Variants in PLXNA4 observed in about 807,000 individuals in gnomAD.
PLXNA4 encodes plexin A4, also known as plexin-A4.
PLXNA4 carries 44 observed loss-of-function variants against 191.8 expected under a neutral mutation model. The observed-to-expected ratio is 0.23, with a 90% CI of 0.18 to 0.29. PLXNA4 has a LOEUF of 0.29. Ranked by LOEUF, PLXNA4 falls within the 10% of genes least tolerant of loss-of-function variation. The pLI is 1.00. For synonymous variants in PLXNA4, 1,082 were observed against 1,009.5 expected (o/e 1.07, Z -1.36); for missense variants, 1,800 against 2,488.8 (o/e 0.72, Z 5.89).
intron 2 of PLXNA4, among the ~76,000 whole-genome samples, chr7:132,494,229 G>T (rs537120627): frequency 6.6e-6 from 1 of 152,190 alleles, no homozygotes; most frequent in South Asian, 2.1e-4. Flanking sequence ...TCCAGAATCC[G>T]ATAGACATTT....
At position 132,165,143 on chromosome 7, in the gene PLXNA4, C is replaced by A; in HGVS notation, c.4344G>T (p.Lys1448Asn). Residue 1448 changes from lysine to asparagine, a missense_variant, in exon 23 of 32, where the codon AAG becomes AAT. Lys to Asn is a moderately conservative substitution (Grantham distance 94, BLOSUM62 0). This residue lies in a region of PLXNA4 where 214 missense variants were observed against 298.2 expected (regional missense o/e 0.72). Transcript: ENST00000321063. The stretch of plus-strand genomic sequence containing the variant: ...CCACATCCAACCCTACCTTGAGGAA[C>A]TTGTAGAGGAGGAAAGTAAACCAAT... ...LTNWFTFLLY[K>N]FLKECAGEPL... 1 of 1,613,004 alleles carries A rather than the reference C, an allele frequency of 6.2e-7. No homozygotes were observed. The highest frequency in any genetic ancestry group is 2.2e-5 in the East Asian group (1 of 44,846).
chr7:132,442,535 C>T (rs1039674773), intron 3 of PLXNA4, among the ~76,000 whole-genome samples: 5 of 152,198 alleles, frequency 3.3e-5, no homozygotes, highest in Non-Finnish European at 7.3e-5. Context: ...TTCTAGATTC[C>T]AATCTGCTGC....
intron 5 of PLXNA4, among the ~76,000 whole-genome samples, chr7:132,233,201 T>G (rs1439895551): frequency 1.3e-5 from 2 of 152,230 alleles, no homozygotes; most frequent in African/African-American, 4.8e-5. Context: ...CTTTGGTCAT[T>G]GTCATCACAT....
chr7:132,460,398 A>G (rs913796873), intron 3 of PLXNA4, among the ~76,000 whole-genome samples: 6 of 151,930 alleles, frequency 3.9e-5, no homozygotes, highest in African/African-American at 1.5e-4. Context: ...TCAAATTGTA[A>G]TTTCTCTAAA....
intron 3 of PLXNA4, among the ~76,000 whole-genome samples, chr7:132,473,140 C>A (rs1796993240): frequency 6.6e-6 from 1 of 152,198 alleles, no homozygotes. Flanking sequence ...GGGCAAGGAT[C>A]CCTTGTCTCT....
At chr7:132,206,900 C>T (rs942436003) in intron 10 of PLXNA4, among the ~76,000 whole-genome samples, 6 of 152,290 alleles carry the variant, frequency 3.9e-5, no homozygotes, top group Non-Finnish European at 7.3e-5. Context: ...AGGCTCCAGG[C>T]TCCTGGAGGC....
intron 3 of PLXNA4, among the ~76,000 whole-genome samples, chr7:132,326,989 G>A (rs913937358): frequency 5.4e-5 from 8 of 148,808 alleles, no homozygotes; most frequent in Admixed American, 1.3e-4. Context: ...GGAAGGAAGC[G>A]AAGGAGGGAG....
At chr7:132,374,264 G>T (rs998883863) in intron 3 of PLXNA4, among the ~76,000 whole-genome samples, 3 of 152,192 alleles carry the variant, frequency 2.0e-5, no homozygotes, top group African/African-American at 7.2e-5. Flanking sequence ...AACTCCTTAA[G>T]GTTCCCATTA....
intron 1 of PLXNA4, among the ~76,000 whole-genome samples, chr7:132,515,366 C>T (rs951787021): frequency 7.2e-5 from 11 of 152,180 alleles, no homozygotes; most frequent in African/African-American, 1.2e-4. Flanking sequence ...CTGTACTTTC[C>T]GGTTACGCAA....
chr7:132,612,118 C>G (rs1369083068), intron 2 of PLXNA4, among the ~76,000 whole-genome samples: 2 of 152,166 alleles, frequency 1.3e-5, no homozygotes, highest in Non-Finnish European at 2.9e-5. Context: ...CAATGCATGC[C>G]AAGTCAACTC....
chr7:132,534,949 T>C (rs906855952), intron 1 of PLXNA4, among the ~76,000 whole-genome samples: 1 of 152,228 alleles, frequency 6.6e-6, no homozygotes, highest in Non-Finnish European at 1.5e-5. Context: ...TACTGTGTTA[T>C]TTCACTTCAA....
intron 3 of PLXNA4, among the ~76,000 whole-genome samples, chr7:132,392,951 G>A (rs1244470040): frequency 1.3e-5 from 2 of 152,142 alleles, no homozygotes; most frequent in African/African-American, 4.8e-5. Flanking sequence ...TGCAGCAGAG[G>A]ACCTCCTCCG....
At chr7:132,646,694 A>G (rs1342434297) in intron 1 of PLXNA4, among the ~76,000 whole-genome samples, 1 of 152,050 alleles carries the variant, frequency 6.6e-6, no homozygotes, top group Non-Finnish European at 1.5e-5. Flanking sequence ...TGTTTAGGCC[A>G]CTCAGTCTGA....
chr7:132,171,062 G>A (rs1284853952), intron 21 of PLXNA4, among the ~76,000 whole-genome samples: 1 of 152,192 alleles, frequency 6.6e-6, no homozygotes, highest in African/African-American at 2.4e-5. Flanking sequence ...CCATCAGCCC[G>A]GGCCTCAATC....
At chr7:132,271,431 G>A (rs371057503) in intron 4 of PLXNA4, among the ~76,000 whole-genome samples, 84 of 128,428 alleles carry the variant, frequency 6.5e-4, no homozygotes, top group African/African-American at 8.7e-4. Flanking sequence ...AGTCACTTAG[G>A]AAAAAAAAAA....
chr7:132,148,450 G>C, intron 26 of PLXNA4, 93 bp downstream of exon 26: 1 of 1,543,498 alleles, frequency 6.5e-7, no homozygotes, highest in South Asian at 1.2e-5. Context: ...CTGGTGAGGG[G>C]CTTGGTGTCT....
At chr7:132,611,490 C>A (rs1295427314) in intron 2 of PLXNA4, among the ~76,000 whole-genome samples, 1 of 152,184 alleles carries the variant, frequency 6.6e-6, no homozygotes, top group Non-Finnish European at 1.5e-5. Context: ...CAGTACCCAA[C>A]TCCTTCACAA....
chr7:132,562,878 TTC>T lies in PLXNA4; in HGVS notation c.-87+13542_-87+13543del, dbSNP rs1341445637. 7.4e-5 allele frequency among the ~76,000 whole-genome samples: 5 copies of T among 67,618 alleles called. No homozygotes were observed. In the Admixed American group the frequency reaches 8.1e-4, roughly 11 times the overall value. The allele number at this position is 67,618 out of a possible 152,430, so 44.4% of individuals were successfully genotyped here. Reference sequence around the variant, plus strand: ...CCTCCTCCTCCTTCTCCTCCTCCTCTTCTTTCTCTGCCTCCTTCTCCCCCTCC... The same window carrying T: ...CCTCCTCCTCCTTCTCCTCCTCCTCTTTTCTCTGCCTCCTTCTCCCCCTCC... On this transcript the variant is annotated intron_variant, in intron 1 of 31. Transcript: ENST00000321063.
At chr7:132,365,332 T>C (rs904018272) in intron 3 of PLXNA4, among the ~76,000 whole-genome samples, 1 of 112,774 alleles carries the variant, frequency 8.9e-6, no homozygotes, top group Non-Finnish European at 1.7e-5. Context: ...GGCCCGCGTG[T>C]GTGTGTGTGT....
Sources: allele counts gnomAD v4.1 joint callset (sites outside exome capture counted in the v4.1 genomes callset), GRCh38; gene constraint gnomAD v4.1.1; regional missense constraint gnomAD v4.1.1; transcripts MANE v1.5; gene names NCBI Gene and HGNC (gene_info 2026-07-23, HGNC 2026-07-21).